TNKS: variants seen among roughly 807,000 people sequenced by gnomAD.
TNKS encodes the protein poly [ADP-ribose] polymerase tankyrase-1.
TNKS carries 72 observed loss-of-function variants against 135.8 expected under a neutral mutation model. The observed-to-expected ratio is 0.53, with a 90% CI of 0.44 to 0.64. The LOEUF (loss-of-function observed/expected upper bound fraction) is 0.64, where lower values mean the gene tolerates loss of function less well. TNKS is among the 30% of genes least tolerant of loss of function. The probability of loss-of-function intolerance (pLI) is 0.00; values close to 1 mark genes in which losing one functional copy is unlikely to be tolerated. For synonymous variants in TNKS, 849 were observed against 649.3 expected (o/e 1.31, Z -4.68); for missense variants, 1,769 against 1,674.0 (o/e 1.06, Z -0.99).
chr8:9,651,859 A>C (rs766338344), intron 3 of TNKS, among the ~76,000 whole-genome samples: 5 of 152,146 alleles, frequency 3.3e-5, no homozygotes, highest in Non-Finnish European at 7.3e-5. Context: ...TTAATTTTTT[A>C]ATTTATCCCA....
chr8:9,591,202 C>T (rs138933915), intron 2 of TNKS, among the ~76,000 whole-genome samples: 60 of 152,308 alleles, frequency 3.9e-4, no homozygotes, highest in African/African-American at 1.2e-3. Context: ...TACTCCCTTT[C>T]GTGTATGATT....
intron 2 of TNKS, among the ~76,000 whole-genome samples, chr8:9,587,856 C>G (rs143374033): frequency 1.8e-3 from 273 of 152,284 alleles, no homozygotes; most frequent in African/African-American, 6.0e-3. Flanking sequence ...AAACATCTTA[C>G]AGCGGTTTTG....
At chr8:9,768,770 T>G (rs1316046805) in intron 25 of TNKS, among the ~76,000 whole-genome samples, 1 of 152,154 alleles carries the variant, frequency 6.6e-6, no homozygotes, top group Admixed American at 6.5e-5. Flanking sequence ...TCAAAAAGCC[T>G]CCTTCTGATG....
At chr8:9,645,483 A>G (rs1454008733) in intron 3 of TNKS, among the ~76,000 whole-genome samples, 1 of 152,176 alleles carries the variant, frequency 6.6e-6, no homozygotes, top group African/African-American at 2.4e-5. Flanking sequence ...TTTAACAGAA[A>G]GAGACACGAG....
Position 9,772,260 on chromosome 8 carries a change from G to A in TNKS, c.3897+1998G>A, listed in dbSNP as rs751351809. The A allele has an allele frequency of 9.6e-5, 39 of 405,154 alleles. 1 individual carries two copies. The highest frequency in any genetic ancestry group is 6.8e-4 in the South Asian group (38 of 55,802). 25.1% of individuals were successfully genotyped at this position (405,154 alleles called of 1,614,324 possible). A position where few individuals can be genotyped will look rare whatever the true frequency, so the allele number is the denominator to read the frequency against. On this transcript the variant is annotated intron_variant, in intron 26 of 26. Coordinates refer to ENST00000310430, the MANE Select transcript of TNKS (RefSeq NM_003747.3). ...TATTACAGACTTACTTTCAAAGGGG[G>A]CTGGGGGGAGGAGTAATTATATATT...
At position 9,682,286 on chromosome 8, in the gene TNKS, G is replaced by C. The variant is rs1051371643; in HGVS notation, c.1107+1486G>C. Among the ~76,000 whole-genome samples the C allele has an allele frequency of 5.9e-5, 9 of 152,088 alleles. No homozygotes were observed. The East Asian group carries it at 1.7e-3, about 29-fold the overall frequency. Reference sequence around the variant, plus strand: ...TTTTAATACTACAGAACTTATGTGAGATTTCTACAGCCGGAGTCGATTTCT... The same window carrying C: ...TTTTAATACTACAGAACTTATGTGACATTTCTACAGCCGGAGTCGATTTCT... On this transcript the variant is annotated intron_variant, in intron 5 of 26. Transcript: ENST00000310430.
chr8:9,632,878 T>C (rs749824992), intron 3 of TNKS, among the ~76,000 whole-genome samples: 13 of 152,124 alleles, frequency 8.5e-5, no homozygotes, highest in Admixed American at 2.0e-4. Context: ...TACAGGCGCC[T>C]GCCACCACGC....
chr8:9,756,107 A>G (rs187404951), intron 20 of TNKS, among the ~76,000 whole-genome samples: 2 of 152,320 alleles, frequency 1.3e-5, no homozygotes, highest in African/African-American at 2.4e-5. Context: ...CATAAATGCT[A>G]TCACTTGGAA....
chr8:9,710,728 C>T (rs1057338552), intron 11 of TNKS, among the ~76,000 whole-genome samples: 1 of 152,236 alleles, frequency 6.6e-6, no homozygotes, highest in African/African-American at 2.4e-5. Context: ...AACCCCGTCT[C>T]TACTAAAAAT....
At chr8:9,694,206 C>G (rs923251661) in intron 5 of TNKS, among the ~76,000 whole-genome samples, 1 of 152,176 alleles carries the variant, frequency 6.6e-6, no homozygotes, top group African/African-American at 2.4e-5. Flanking sequence ...TCGGATTATC[C>G]TTGTCCTCTC....
chr8:9,628,590 T>C (rs1800158706), intron 3 of TNKS, among the ~76,000 whole-genome samples: 1 of 152,114 alleles, frequency 6.6e-6, no homozygotes, highest in Admixed American at 6.5e-5. Context: ...CATCCAGCTA[T>C]GAGAAAGGCC....
intron 5 of TNKS, among the ~76,000 whole-genome samples, chr8:9,691,046 G>C (rs1418139842): frequency 6.6e-6 from 1 of 152,276 alleles, no homozygotes; most frequent in Middle Eastern, 3.4e-3. Flanking sequence ...TTTGGATTTA[G>C]TGCTCAATTT....
chr8:9,633,031 C>CT (rs1800358344), intron 3 of TNKS, among the ~76,000 whole-genome samples: 1 of 152,096 alleles, frequency 6.6e-6, no homozygotes, highest in African/African-American at 2.4e-5. Context: ...ACCCGGCCCT[C>CT]TATGTTGTTC....
At chr8:9,568,703 G>C (rs1157453077) in intron 1 of TNKS, among the ~76,000 whole-genome samples, 1 of 152,158 alleles carries the variant, frequency 6.6e-6, no homozygotes, top group African/African-American at 2.4e-5. Flanking sequence ...TATATTGTTT[G>C]GGTTAAAGTA....
chr8:9,671,766 A>C (rs1327189426), intron 3 of TNKS, among the ~76,000 whole-genome samples: 1 of 152,246 alleles, frequency 6.6e-6, no homozygotes, highest in South Asian at 2.1e-4. Context: ...TCGAAAAATG[A>C]ATAAGAAAAG....
chr8:9,658,717 C>G (rs191981578), intron 3 of TNKS, among the ~76,000 whole-genome samples: 223 of 152,290 alleles, frequency 1.5e-3, no homozygotes, highest in African/African-American at 5.1e-3. Flanking sequence ...ATGACAGGAT[C>G]AAATTCACAC....
chr8:9,609,827 G>C (rs183727076), intron 2 of TNKS, among the ~76,000 whole-genome samples: 1 of 152,092 alleles, frequency 6.6e-6, no homozygotes, highest in Non-Finnish European at 1.5e-5. Context: ...ATCCTATATA[G>C]GGATAGCACT....
intron 3 of TNKS, chr8:9,670,051 A>T (rs1286606546): frequency 6.6e-6 from 1 of 152,200 alleles, no homozygotes; most frequent in African/African-American, 2.4e-5. Flanking sequence ...TATAAAGTTA[A>T]TACTATGGGC....
chr8:9,578,118 C>T (rs7825464), intron 1 of TNKS, among the ~76,000 whole-genome samples: 10,134 of 152,252 alleles, frequency 0.067, 365 homozygotes, highest in South Asian at 0.16. Flanking sequence ...TGGGCGGCTC[C>T]ACCCCTGTGG....
Sources: gnomAD v4.1 joint callset for allele counts (sites outside exome capture counted in the v4.1 genomes callset) on GRCh38, gnomAD v4.1.1 for gene constraint, MANE v1.5 for transcripts, NCBI Gene and HGNC (gene_info 2026-07-23, HGNC 2026-07-21) for gene names.